ZDHHC21: variants seen among roughly 807,000 people sequenced by gnomAD.
ZDHHC21 encodes zDHHC palmitoyltransferase 21.
Under a neutral mutation model 34.6 loss-of-function variants are expected in ZDHHC21, and 15 were observed. The ratio of observed to expected loss-of-function variants is 0.43; its 90% CI spans 0.29 to 0.67. ZDHHC21 has a LOEUF of 0.67. Among genes scored for constraint, ZDHHC21 ranks in the 30% least tolerant of loss-of-function variants. ZDHHC21 has a pLI of 0.14. For missense variants in ZDHHC21, 344 were observed against 327.7 expected (o/e 1.05, Z -0.38); for synonymous variants, 142 against 101.8 (o/e 1.40, Z -2.38).
chr9:14,679,558 G>A (rs1471600534), intron 3 of ZDHHC21, among the ~76,000 whole-genome samples: 3 of 152,106 alleles, frequency 2.0e-5, no homozygotes, highest in African/African-American at 4.8e-5. Flanking sequence ...AAGGAGTAGT[G>A]AAAAGGAAGG....
intron 5 of ZDHHC21, among the ~76,000 whole-genome samples, chr9:14,666,484 C>T (rs1400665836): frequency 1.0e-5 from 1 of 98,830 alleles, no homozygotes; most frequent in African/African-American, 3.4e-5. Flanking sequence ...GAACTCAGCT[C>T]TGCACCAGGC....
chr9:14,676,624 T>A (rs893864124), intron 3 of ZDHHC21, among the ~76,000 whole-genome samples: 2 of 152,008 alleles, frequency 1.3e-5, no homozygotes, highest in African/African-American at 4.8e-5. Context: ...GCCACTAAAC[T>A]AATAAAAGTT....
At chr9:14,629,358 A>G (rs1332753958) in intron 8 of ZDHHC21, among the ~76,000 whole-genome samples, 4 of 152,202 alleles carry the variant, frequency 2.6e-5, no homozygotes, top group Non-Finnish European at 4.4e-5. Context: ...AACCCTTGCA[A>G]TTTGAGAATT....
At chr9:14,630,175 A>C (rs898921597) in intron 8 of ZDHHC21, among the ~76,000 whole-genome samples, 2 of 152,362 alleles carry the variant, frequency 1.3e-5, no homozygotes, top group Admixed American at 1.3e-4. Flanking sequence ...TTCGTTAAAA[A>C]ATGTGGAGTC....
intron 8 of ZDHHC21, among the ~76,000 whole-genome samples, chr9:14,630,781 C>G (rs189938531): frequency 6.6e-6 from 1 of 152,182 alleles, no homozygotes; most frequent in Non-Finnish European, 1.5e-5. Context: ...TCTTGAGTGA[C>G]TTGATGCATT....
At chr9:14,664,046 C>T (rs920559354) in intron 5 of ZDHHC21, among the ~76,000 whole-genome samples, 1 of 152,192 alleles carries the variant, frequency 6.6e-6, no homozygotes, top group Non-Finnish European at 1.5e-5. Context: ...CTACAGCTCC[C>T]AGCGTGAGCG....
intron 8 of ZDHHC21, among the ~76,000 whole-genome samples, chr9:14,626,889 G>A (rs10756586): frequency 0.28 from 42,546 of 151,686 alleles, 7,808 homozygotes; most frequent in African/African-American, 0.5. Flanking sequence ...TTACAATTGG[G>A]AATACTACAT....
chr9:14,662,987 GT>G (rs1259699237), intron 5 of ZDHHC21, among the ~76,000 whole-genome samples: 1 of 152,142 alleles, frequency 6.6e-6, no homozygotes, highest in African/African-American at 2.4e-5. Context: ...AAATAAAGGA[GT>G]TCTTCATAAA....
chr9:14,650,739 T>C (rs1453601326), intron 7 of ZDHHC21, among the ~76,000 whole-genome samples: 1 of 151,958 alleles, frequency 6.6e-6, no homozygotes. Flanking sequence ...AGCAACACTA[T>C]TAGATATCAG....
At position 14,693,234 on chromosome 9, in the gene ZDHHC21, C is replaced by T. The variant is rs1463044882; in HGVS notation, c.-230G>A. The T allele has an allele frequency of 2.5e-6, 1 of 407,702 alleles. No homozygotes were observed. The highest frequency in any genetic ancestry group is 1.7e-5 in the South Asian group (1 of 59,158). The allele number at this position is 407,702 out of a possible 1,614,324, so 25.3% of individuals were successfully genotyped here. On this transcript the variant is annotated 5_prime_UTR_variant, in exon 1 of 10. Coordinates refer to ENST00000380916, the MANE Select transcript of ZDHHC21 (RefSeq NM_178566.6). ...CCCCGCGCCTGCACACTCACCGTCG[C>T]CGCTGGCTCGCCTCTCGCTGCCGCC...
At chr9:14,591,215 T>G in the ZDHHC21 span, among the ~76,000 whole-genome samples, 1 of 152,138 alleles carries the variant, frequency 6.6e-6, no homozygotes, top group African/African-American at 2.4e-5. Flanking sequence ...AATTTGAATG[T>G]TTCTGTCCCT....
chr9:14,689,290 G>A (rs184994444), intron 2 of ZDHHC21, among the ~76,000 whole-genome samples: 13 of 152,300 alleles, frequency 8.5e-5, no homozygotes, highest in African/African-American at 3.1e-4. Context: ...TCAAGTAAAA[G>A]CAGGACTGGT....
intron 8 of ZDHHC21, among the ~76,000 whole-genome samples, chr9:14,626,278 A>C (rs1826191702): frequency 6.6e-6 from 1 of 151,998 alleles, no homozygotes; most frequent in Non-Finnish European, 1.5e-5. Flanking sequence ...TATAAGATTT[A>C]CTGCTTTCTG....
At chr9:14,674,411 A>T in intron 3 of ZDHHC21, 26 bp from the exon 4 acceptor site, 1 of 1,433,822 alleles carries the variant, frequency 7.0e-7, no homozygotes, top group Non-Finnish European at 9.3e-7. Flanking sequence ...AAAGAAAATA[A>T]TTACTTACAT....
Position 14,675,591 on chromosome 9 carries a change from T to C in ZDHHC21, c.-45-1206A>G, listed in dbSNP as rs905912557. Among the ~76,000 whole-genome samples the C allele has an allele frequency of 1.3e-4, 20 of 151,946 alleles. 1 individual carries two copies. Among genetic ancestry groups the C allele is most frequent in the Admixed American group, 1.2e-3 (19 of 15,220 alleles). On this transcript the variant is annotated intron_variant, in intron 3 of 9. Transcript: ENST00000380916. ...ACCACAATGAGTTGAACTCACTTAGTTCAACAAATATTCACTGAGCCTCCA... is the reference window on the plus strand; with the variant it reads ...ACCACAATGAGTTGAACTCACTTAGCTCAACAAATATTCACTGAGCCTCCA...
chr9:14,621,829 C>T (rs1182990010), intron 8 of ZDHHC21, among the ~76,000 whole-genome samples: 1 of 151,906 alleles, frequency 6.6e-6, no homozygotes, highest in African/African-American at 2.4e-5. Context: ...ATATGAAAAA[C>T]CACAAGTTAT....
chr9:14,624,798 C>T (rs1204163512), intron 8 of ZDHHC21, among the ~76,000 whole-genome samples: 5 of 151,946 alleles, frequency 3.3e-5, no homozygotes, highest in African/African-American at 7.2e-5. Flanking sequence ...GAGAGGATTT[C>T]GGATGTTCTC....
chr9:14,596,690 T>A, the ZDHHC21 span, among the ~76,000 whole-genome samples: 1 of 152,028 alleles, frequency 6.6e-6, no homozygotes, highest in Non-Finnish European at 1.5e-5. Context: ...ACTGGAACTC[T>A]CTGATTAAGA....
chr9:14,644,714 T>C (rs1410551333), intron 7 of ZDHHC21, among the ~76,000 whole-genome samples: 2 of 152,004 alleles, frequency 1.3e-5, no homozygotes, highest in East Asian at 3.9e-4. Flanking sequence ...AAACCACCTT[T>C]CATTCCTAGG....
Sources: gnomAD v4.1 joint callset for allele counts (sites outside exome capture counted in the v4.1 genomes callset) on GRCh38, gnomAD v4.1.1 for gene constraint, MANE v1.5 for transcripts, NCBI Gene and HGNC (gene_info 2026-07-23, HGNC 2026-07-21) for gene names.